Variants in CEP83 observed in about 807,000 individuals in gnomAD.
CEP83 encodes the protein centrosomal protein of 83 kDa.
Under a neutral mutation model 101.9 loss-of-function variants are expected in CEP83, and 70 were observed. That is an observed-to-expected ratio of 0.69 (90% CI 0.57 to 0.84). CEP83 has a LOEUF of 0.84. CEP83 is among the 40% of genes least tolerant of loss of function. CEP83 has a pLI of 0.00. For missense variants in CEP83, 715 were observed against 787.2 expected, an observed-to-expected ratio of 0.91 and a Z score of 1.10; for synonymous variants, 264 against 267.9, an observed-to-expected ratio of 0.99 and a Z score of 0.14.
At chr12:94,274,155 T>TAAAAAAAAAAAAAAAAAAAAAAAAAAAAA in the CEP83 span, among the ~76,000 whole-genome samples, 1 of 45,376 alleles carries the variant, frequency 2.2e-5, no homozygotes, top group African/African-American at 1.2e-4. Flanking sequence ...ACCCTGTCTC[T>TAAAAAAAAAAAAAAAAAAAAAAAAAAAAA]AAAAAAAAAA....
chr12:94,301,622 G>A (rs548422425), downstream of CEP83, among the ~76,000 whole-genome samples: 12 of 152,190 alleles, frequency 7.9e-5, no homozygotes, highest in South Asian at 1.9e-3. Flanking sequence ...TTATTTGAGC[G>A]CTCCAAAATA....
chr12:94,279,533 T>G, the CEP83 span: 1 of 1,614,204 alleles, frequency 6.2e-7, no homozygotes, highest in Non-Finnish European at 8.5e-7. Flanking sequence ...TGTCGGAATA[T>G]TTCAGTCAAT....
chr12:94,319,811 G>A (rs529491348), intron 14 of CEP83, among the ~76,000 whole-genome samples: 4 of 152,306 alleles, frequency 2.6e-5, no homozygotes, highest in African/African-American at 7.2e-5. Context: ...GCAGCAATGA[G>A]AAGAATGTAT....
chr12:94,278,134 G>C, the CEP83 span: 1 of 400,158 alleles, frequency 2.5e-6, no homozygotes, highest in South Asian at 1.7e-5. Context: ...TAGACTCTCC[G>C]CTCCTTAAAA....
At chr12:94,423,476 C>CTTTTTTTT (rs2064934636) in intron 2 of CEP83, among the ~76,000 whole-genome samples, 1 of 82,648 alleles carries the variant, frequency 1.2e-5, no homozygotes, top group Non-Finnish European at 2.6e-5. Flanking sequence ...TTTTTTTTTG[C>CTTTTTTTT]AAAAGAAAAA....
downstream of CEP83, chr12:94,307,118 C>T (rs2096860595): frequency 6.6e-6 from 1 of 152,226 alleles, no homozygotes; most frequent in South Asian, 2.1e-4. Context: ...CTAAATGCTA[C>T]ATGAGGGTGT....
chr12:94,420,324 T>G (rs570404779), intron 2 of CEP83, among the ~76,000 whole-genome samples: 3 of 152,304 alleles, frequency 2.0e-5, no homozygotes, highest in East Asian at 3.9e-4. Context: ...ACAAAAAGAT[T>G]TATATGATAC....
At chr12:94,339,198 T>C (rs1343335855) in intron 11 of CEP83, among the ~76,000 whole-genome samples, 3 of 152,194 alleles carry the variant, frequency 2.0e-5, no homozygotes, top group African/African-American at 7.2e-5. Context: ...ACTCCCGACC[T>C]CAGGTAATCT....
chr12:94,343,091 G>C (rs1158994896), intron 11 of CEP83, among the ~76,000 whole-genome samples: 1 of 151,320 alleles, frequency 6.6e-6, no homozygotes, highest in African/African-American at 2.4e-5. Flanking sequence ...ATGTATGTCT[G>C]TGTGTGTATG....
chr12:94,290,902 G>T, the CEP83 span, among the ~76,000 whole-genome samples: 1 of 152,216 alleles, frequency 6.6e-6, no homozygotes. Context: ...CAGAATGAAG[G>T]AGATTTGTGG....
At chr12:94,310,256 A>C (rs763655597) in intron 15 of CEP83, 149 bp from the exon 16 acceptor site, 1 of 362,102 alleles carries the variant, frequency 2.8e-6, no homozygotes, top group Non-Finnish European at 4.9e-6. Context: ...CTAGAAAGAT[A>C]AACAGAAACA....
the CEP83 span, chr12:94,277,789 A>G: frequency 0.64 from 233,754 of 367,816 alleles, 74,722 homozygotes; most frequent in African/African-American, 0.7. Context: ...CGATACTATC[A>G]TCAAGCCTTT....
At chr12:94,378,737 A>G in intron 7 of CEP83, 54 bp downstream of exon 7, 3 of 1,587,382 alleles carry the variant, frequency 1.9e-6, no homozygotes, top group Admixed American at 1.8e-5. Context: ...AGGCTTGTCA[A>G]CTGCACTTTA....
the CEP83 span, chr12:94,277,914 G>C: frequency 6.6e-6 from 3 of 456,018 alleles, no homozygotes; most frequent in South Asian, 1.5e-5. Context: ...AGGTAGGCCT[G>C]AGGGTTCCCA....
the CEP83 span, among the ~76,000 whole-genome samples, chr12:94,276,212 G>T: frequency 4.6e-5 from 7 of 152,250 alleles, no homozygotes; most frequent in South Asian, 2.1e-4. Flanking sequence ...CTGAAGCTCC[G>T]ATTAAAAGGT....
intron 9 of CEP83, chr12:94,368,444 A>G: frequency 2.5e-6 from 1 of 399,060 alleles, no homozygotes; most frequent in Non-Finnish European, 4.4e-6. Flanking sequence ...AAAAACTTTA[A>G]TAAAAGCTGT....
intron 11 of CEP83, among the ~76,000 whole-genome samples, chr12:94,359,508 G>C (rs1022028105): frequency 6.6e-6 from 1 of 152,032 alleles, no homozygotes; most frequent in Non-Finnish European, 1.5e-5. Context: ...GCAACTGTAG[G>C]ACAACAAATA....
chr12:94,448,961 T>A (rs189738299), intron 1 of CEP83, among the ~76,000 whole-genome samples: 2 of 137,600 alleles, frequency 1.5e-5, no homozygotes, highest in Non-Finnish European at 1.6e-5. Context: ...AAATAGAAAA[T>A]ATAGATATGA....
At chr12:94,430,579 T>C (rs550806370) in intron 2 of CEP83, among the ~76,000 whole-genome samples, 7 of 151,870 alleles carry the variant, frequency 4.6e-5, no homozygotes, top group Admixed American at 3.9e-4. Context: ...AGACAAAAGG[T>C]AAAGAATAAA....
Sources: allele counts gnomAD v4.1 joint callset (sites outside exome capture counted in the v4.1 genomes callset), GRCh38; gene constraint gnomAD v4.1.1; transcripts MANE v1.5; gene names NCBI Gene and HGNC (gene_info 2026-07-23, HGNC 2026-07-21).